Variants in CHGB observed in about 807,000 individuals in gnomAD.
CHGB encodes secretogranin-1.
A neutral mutation model predicts 69.9 loss-of-function variants in CHGB; 46 were observed. That is an observed-to-expected ratio of 0.66 (90% CI 0.52 to 0.84). The LOEUF (loss-of-function observed/expected upper bound fraction) is 0.84, where lower values mean the gene tolerates loss of function less well. Among genes scored for constraint, CHGB ranks in the 40% least tolerant of loss-of-function variants. CHGB has a pLI of 0.00. For missense variants in CHGB, 796 were observed against 822.2 expected, an observed-to-expected ratio of 0.97 and a Z score of 0.39; for synonymous variants, 312 against 298.2, an observed-to-expected ratio of 1.05 and a Z score of -0.48.
rs1325895949 is a variant in CHGB, at chr20:5,911,621, G to A, written c.-13G>A. Reference sequence around the variant, plus strand: ...CCATCTTCCTTTCCGCACAGGGGCCGCCGAGCGGGGCCATGCAGCCAACGC... The same window carrying A: ...CCATCTTCCTTTCCGCACAGGGGCCACCGAGCGGGGCCATGCAGCCAACGC... On this transcript the variant is annotated 5_prime_UTR_variant, in exon 1 of 5. Coordinates refer to ENST00000378961, the MANE Select transcript of CHGB (RefSeq NM_001819.3). The A allele has an allele frequency of 1.8e-5, 27 of 1,516,992 alleles. No homozygotes were observed. The highest frequency in any genetic ancestry group is 2.3e-5 in the Non-Finnish European group (26 of 1,137,658). 94.0% of individuals were successfully genotyped at this position (1,516,992 alleles called of 1,614,324 possible).
intron 3 of CHGB, among the ~76,000 whole-genome samples, chr20:5,919,374 C>A (rs557129854): frequency 6.6e-6 from 1 of 152,092 alleles, no homozygotes; most frequent in African/African-American, 2.4e-5. Context: ...GCTGAGATGG[C>A]GAAGGTTTAA....
At position 5,922,733 on chromosome 20, in the gene CHGB, G is replaced by A. The variant is rs140646779; in HGVS notation, c.589G>A (p.Ala197Thr). 209 of 1,614,138 alleles carry A rather than the reference G, an allele frequency of 1.3e-4. No individual in the cohort carries two copies. In the African/African-American group the frequency reaches 2.4e-3, roughly 18 times the overall value. ...HLEEPGETQN[A>T]FLNERKQASA... ...TGAAGAGCCAGGAGAGACACAAAAC[G>A]CTTTTCTCAATGAAAGAAAGCAGGC... Residue 197 changes from alanine (A) to threonine (T), a missense_variant, in exon 4 of 5, where the codon GCT becomes ACT. By Grantham distance (58) the Ala-to-Thr change is moderately conservative. This residue lies in a region of CHGB where 518 missense variants were observed against 506.3 expected (regional missense o/e 1.02). Transcript: ENST00000378961.
In CHGB at chr20:5,922,407, A is replaced by G. The variant is rs1385835041; in HGVS notation, c.263A>G (p.Asp88Gly). ...AAGTTTGAAGTAAGATTGTTAAGAG[A>G]CCCAGCTGATGCCTCGGAAGCCCAC... ...NTKFEVRLLR[D>G]PADASEAHES... Residue 88 changes from aspartate (D) to glycine (G), a missense_variant, in exon 4 of 5, where the codon GAC becomes GGC. Coordinates refer to ENST00000378961, the MANE Select transcript of CHGB (RefSeq NM_001819.3). 4.4e-6 allele frequency: 7 copies of G among 1,606,386 alleles called. No homozygotes were observed. Among genetic ancestry groups the G allele is most frequent in the Non-Finnish European group, 6.0e-6 (7 of 1,173,952 alleles).
chr20:5,916,350 A>G lies in CHGB; in HGVS notation c.74A>G (p.Asn25Ser), dbSNP rs143797471. Reference sequence around the variant, plus strand: ...GCTGTCAATTCCATGCCAGTGGATAACAGGAACCACAATGAAGGAATGGTA... The same window carrying G: ...GCTGTCAATTCCATGCCAGTGGATAGCAGGAACCACAATGAAGGAATGGTA... ...LAAVNSMPVD[N>S]RNHNEGMVTR... Residue 25 changes from asparagine to serine, a missense_variant, in exon 2 of 5, where the codon AAC becomes AGC. By Grantham distance (46) the Asn-to-Ser change is conservative. This residue lies in a region of CHGB where 518 missense variants were observed against 506.3 expected (regional missense o/e 1.02). Transcript: ENST00000378961. The G allele has an allele frequency of 8.0e-4, 1,289 of 1,613,554 alleles. No individual in the cohort carries two copies. The highest frequency in any genetic ancestry group is 1.0e-3 in the Non-Finnish European group (1,177 of 1,179,648).
At chr20:5,922,301 C>T in intron 3 of CHGB, 34 bp from the exon 4 acceptor site, 12 of 1,500,706 alleles carry the variant, frequency 8.0e-6, no homozygotes, top group Non-Finnish European at 1.1e-5. Flanking sequence ...ACAAGCAATT[C>T]TGAAATTATA....
rs2088532021 is a variant in CHGB, at chr20:5,923,704, A to T, written c.1560A>T (p.Glu520Asp). 1 of 1,614,000 alleles carries T rather than the reference A, an allele frequency of 6.2e-7. No homozygotes were observed. Among genetic ancestry groups the T allele is most frequent in the African/African-American group, 1.3e-5 (1 of 74,890 alleles). Residue 520 changes from glutamate to aspartate, a missense_variant, in exon 4 of 5, where the codon GAA becomes GAT. Around this residue, in one of 3 missense-constraint regions of CHGB, gnomAD observed 274 missense variants for 298.9 expected, o/e 0.92. Transcript: ENST00000378961. ...CTGAAAAGAGGAAGAGATTAGGGGA[A>T]CTGTTCAACCCATACTACGACCCTC... ...HTAEKRKRLG[E>D]LFNPYYDPLQ... is the part of the protein sequence containing the mutation.
intron 1 of CHGB, among the ~76,000 whole-genome samples, chr20:5,913,135 C>T (rs1214321117): frequency 6.6e-6 from 1 of 152,072 alleles, no homozygotes; most frequent in African/African-American, 2.4e-5. Flanking sequence ...TCTTATGTAA[C>T]AGAATATTTT....
At position 5,923,688 on chromosome 20, in the gene CHGB, G is replaced by C. The variant is rs972213968; in HGVS notation, c.1544G>C (p.Arg515Thr). 10 of 1,614,042 alleles carry C rather than the reference G, an allele frequency of 6.2e-6. No individual in the cohort carries two copies. In the African/African-American group the frequency reaches 1.3e-4, roughly 22 times the overall value. The part of the protein sequence containing the change: ...QYSSHHTAEK[R>T]KRLGELFNPY... ...AGCTCCCATCACACAGCTGAAAAGA[G>C]GAAGAGATTAGGGGAACTGTTCAAC... Residue 515 changes from arginine to threonine, a missense_variant, in exon 4 of 5, where the codon AGG becomes ACG. Arg to Thr is a moderately conservative substitution (Grantham distance 71). Coordinates refer to ENST00000378961, the MANE Select transcript of CHGB (RefSeq NM_001819.3).
rs918538290 is a variant in CHGB, at chr20:5,923,483, C to T, written c.1339C>T (p.Arg447Cys). Residue 447 changes from arginine (R) to cysteine (C), a missense_variant, in exon 4 of 5, where the codon CGT becomes TGT. Physicochemically the swap from Arg to Cys is radical, Grantham distance 180 (BLOSUM62 -3). Coordinates refer to ENST00000378961, the MANE Select transcript of CHGB (RefSeq NM_001819.3). The part of the protein sequence containing the change: ...EKRFLGEGHH[R>C]VQENQMDKAR... ...AAGGTTCTTGGGTGAAGGACACCACCGTGTCCAAGAAAACCAGATGGACAA... is the reference window on the plus strand; with the variant it reads ...AAGGTTCTTGGGTGAAGGACACCACTGTGTCCAAGAAAACCAGATGGACAA... 33 of 1,613,946 alleles carry T rather than the reference C, an allele frequency of 2.0e-5. No homozygotes were observed. The highest frequency in any genetic ancestry group is 2.4e-5 in the Non-Finnish European group (28 of 1,180,022).
intron 3 of CHGB, chr20:5,917,120 A>G: frequency 1.7e-6 from 1 of 598,018 alleles, no homozygotes; most frequent in East Asian, 2.8e-5. Flanking sequence ...CTGTGTGACT[A>G]TAGGAAAGAC....
chr20:5,918,810 T>TAAAAAAAAAAAA (rs71182109), intron 3 of CHGB, among the ~76,000 whole-genome samples: 1 of 31,454 alleles, frequency 3.2e-5, no homozygotes, highest in African/African-American at 1.2e-4. Flanking sequence ...AGTCTCTGTC[T>TAAAAAAAAAAAA]AAAAAAAAAA....
At chr20:5,911,871 A>G (rs535359269) in intron 1 of CHGB, among the ~76,000 whole-genome samples, 189 bp downstream of exon 1, 15 of 152,306 alleles carry the variant, frequency 9.8e-5, no homozygotes, top group African/African-American at 3.6e-4. Flanking sequence ...GACTTGGAAA[A>G]AGCTAGAGGG....
chr20:5,921,566 T>C (rs1287659151), intron 3 of CHGB, among the ~76,000 whole-genome samples: 1 of 152,226 alleles, frequency 6.6e-6, no homozygotes, highest in Non-Finnish European at 1.5e-5. Flanking sequence ...AGTTATACCA[T>C]GTACTCTGAC....
At chr20:5,921,852 G>A (rs1274807393) in intron 3 of CHGB, among the ~76,000 whole-genome samples, 1 of 152,094 alleles carries the variant, frequency 6.6e-6, no homozygotes. Flanking sequence ...TCTTATTTTG[G>A]CTAGTTAACT....
At position 5,911,658 on chromosome 20, in the gene CHGB, C is replaced by T; in HGVS notation, c.25C>T (p.Leu9Phe). The change falls in exon 1 of 5, where the codon CTC becomes TTC. Residue 9 changes from leucine to phenylalanine, a missense_variant. Physicochemically the swap from Leu to Phe is conservative, Grantham distance 22 (BLOSUM62 0). This residue lies in a region of CHGB where 518 missense variants were observed against 506.3 expected (regional missense o/e 1.02). Transcript: ENST00000378961. MQPTLLLS[L>F]LGAVGLAAVN... is the part of the protein sequence containing the mutation. ...CATGCAGCCAACGCTGCTTCTCAGC[C>T]TCCTGGGAGCCGTGGGGCTGGCGGG... The T allele has an allele frequency of 5.3e-6, 8 of 1,500,990 alleles. No homozygotes were observed. The highest frequency in any genetic ancestry group is 2.5e-5 in the South Asian group (2 of 80,982). The allele number at this position is 1,500,990 out of a possible 1,614,324, so 93.0% of individuals were successfully genotyped here.
chr20:5,918,019 G>T (rs1285147715), intron 3 of CHGB: 2 of 150,534 alleles, frequency 1.3e-5, no homozygotes, highest in Non-Finnish European at 2.9e-5. Flanking sequence ...ATGGTGGCAG[G>T]CACCTGTAAT....
At chr20:5,918,810 TAAAAAAAAA>T (rs71182109) in intron 3 of CHGB, among the ~76,000 whole-genome samples, 8 of 31,430 alleles carry the variant, frequency 2.5e-4, no homozygotes, top group African/African-American at 3.6e-4. Context: ...AGTCTCTGTC[TAAAAAAAAA>T]AAAAAAAAAA....
In CHGB at chr20:5,918,609, A is replaced by G. The variant is rs189661446; in HGVS notation, c.190+1690A>G. On this transcript the variant is annotated intron_variant, in intron 3 of 4. Coordinates refer to ENST00000378961, the MANE Select transcript of CHGB (RefSeq NM_001819.3). ...GGGCGGATCACAAGGTCAGGAGATC[A>G]AGACCATCCTGTCTAACACAGTGAA... Among the ~76,000 whole-genome samples, 21 of 151,658 alleles carry G rather than the reference A, an allele frequency of 1.4e-4. No individual in the cohort carries two copies. In the South Asian group the frequency reaches 1.5e-3, roughly 11 times the overall value.
In CHGB at chr20:5,911,519, G is replaced by T; in HGVS notation, c.-115G>T. 1 of 1,133,450 alleles carries T rather than the reference G, an allele frequency of 8.8e-7. No individual in the cohort carries two copies. The allele number at this position is 1,133,450 out of a possible 1,614,324, so 70.2% of individuals were successfully genotyped here. ...CTGCGCCGGCCGCGCCACACCGCGG[G>T]GACCAGGAGGCACGCTGGTTTTCCG... On this transcript the variant is annotated 5_prime_UTR_variant, in exon 1 of 5. Transcript: ENST00000378961.
Sources: gnomAD v4.1 joint callset for allele counts (sites outside exome capture counted in the v4.1 genomes callset) on GRCh38, gnomAD v4.1.1 for gene constraint, gnomAD v4.1.1 regional missense constraint, MANE v1.5 for transcripts, NCBI Gene and HGNC (gene_info 2026-07-23, HGNC 2026-07-21) for gene names.